Variants in RAP1A observed in about 807,000 individuals in gnomAD.
RAP1A encodes the protein RAP1A, member of RAS oncogene family.
In RAP1A, 6 loss-of-function variants were observed where a neutral mutation model predicts 26.4. The observed-to-expected ratio is 0.23, with a 90% CI of 0.12 to 0.45. RAP1A has a LOEUF of 0.45. Ranked by LOEUF, RAP1A falls within the 20% of genes least tolerant of loss-of-function variation. The probability of loss-of-function intolerance (pLI) is 0.99; values close to 1 mark genes in which losing one functional copy is unlikely to be tolerated. For synonymous variants in RAP1A, 73 were observed against 79.4 expected, an observed-to-expected ratio of 0.92 and a Z score of 0.43; for missense variants, 121 against 217.2, an observed-to-expected ratio of 0.56 and a Z score of 2.78.
intron 1 of RAP1A, among the ~76,000 whole-genome samples, chr1:111,664,477 T>C (rs1037907964): frequency 6.6e-6 from 1 of 152,092 alleles, no homozygotes; most frequent in African/African-American, 2.4e-5. Context: ...ACCTAGACTT[T>C]TTTTTAAATA....
At chr1:111,697,983 A>G (rs1354446881) in intron 4 of RAP1A, among the ~76,000 whole-genome samples, 1 of 152,160 alleles carries the variant, frequency 6.6e-6, no homozygotes, top group Non-Finnish European at 1.5e-5. Flanking sequence ...TAATCTTTAA[A>G]TGAGTATAAT....
intron 1 of RAP1A, among the ~76,000 whole-genome samples, chr1:111,667,909 G>C (rs1372929901): frequency 6.6e-6 from 1 of 152,094 alleles, no homozygotes; most frequent in Non-Finnish European, 1.5e-5. Flanking sequence ...AGCTAAACCT[G>C]GGCTTATGGT....
chr1:111,608,270 G>A (rs1218223382), intron 1 of RAP1A: 20 of 144,710 alleles, frequency 1.4e-4, no homozygotes, highest in Non-Finnish European at 2.8e-4. Context: ...GCGGGGCGGC[G>A]GGGCAGAGGC....
At chr1:111,593,021 G>C (rs1289751304) in intron 1 of RAP1A, among the ~76,000 whole-genome samples, 1 of 152,098 alleles carries the variant, frequency 6.6e-6, no homozygotes, top group East Asian at 1.9e-4. Context: ...GAGGGAGAGA[G>C]AGAAAAAATA....
At chr1:111,660,736 G>C (rs1186540688) in intron 1 of RAP1A, among the ~76,000 whole-genome samples, 1 of 152,188 alleles carries the variant, frequency 6.6e-6, no homozygotes. Context: ...AAAAGCTGAA[G>C]TCCTTACCGT....
upstream of RAP1A, among the ~76,000 whole-genome samples, chr1:111,619,023 G>T (rs1231403784): frequency 6.6e-6 from 1 of 152,222 alleles, no homozygotes; most frequent in East Asian, 1.9e-4. Flanking sequence ...ATGGTTTCCC[G>T]TTCCTGTTAT....
At chr1:111,619,243 G>T (rs1659086247), upstream of RAP1A, among the ~76,000 whole-genome samples, 1 of 152,132 alleles carries the variant, frequency 6.6e-6, no homozygotes, top group African/African-American at 2.4e-5. Flanking sequence ...CCTTCATCCC[G>T]TGTGTATGCG....
At chr1:111,553,050 C>A (rs935386006) in intron 1 of RAP1A, among the ~76,000 whole-genome samples, 1 of 152,220 alleles carries the variant, frequency 6.6e-6, no homozygotes, top group African/African-American at 2.4e-5. Flanking sequence ...CCAAACACTT[C>A]ATATTCAGAT....
chr1:111,614,891 A>G (rs1482044682), upstream of RAP1A, among the ~76,000 whole-genome samples: 2 of 152,238 alleles, frequency 1.3e-5, no homozygotes, highest in Non-Finnish European at 2.9e-5. Context: ...TAAAATGAAT[A>G]CACAAAATGC....
intron 1 of RAP1A, among the ~76,000 whole-genome samples, chr1:111,667,161 A>G (rs1335800493): frequency 2.6e-5 from 4 of 152,182 alleles, no homozygotes; most frequent in Non-Finnish European, 5.9e-5. Context: ...GTAGTGGAAA[A>G]GAAAAGGAAC....
chr1:111,642,462 C>T (rs1348596353), intron 1 of RAP1A, among the ~76,000 whole-genome samples: 2 of 151,338 alleles, frequency 1.3e-5, no homozygotes, highest in South Asian at 2.1e-4. Context: ...GAAGTTAATG[C>T]GTCTTCTGAT....
At chr1:111,692,887 T>C (rs1292464219) in intron 2 of RAP1A, among the ~76,000 whole-genome samples, 1 of 152,210 alleles carries the variant, frequency 6.6e-6, no homozygotes, top group Non-Finnish European at 1.5e-5. Context: ...ATTGGATAGC[T>C]GGGAACAAGG....
At chr1:111,676,436 C>G (rs1661127363) in intron 1 of RAP1A, among the ~76,000 whole-genome samples, 1 of 145,190 alleles carries the variant, frequency 6.9e-6, no homozygotes, top group Admixed American at 7.3e-5. Context: ...TGAGAAATTT[C>G]CCAAATAAAT....
chr1:111,601,035 T>G (rs1658659965), intron 1 of RAP1A, among the ~76,000 whole-genome samples: 1 of 152,098 alleles, frequency 6.6e-6, no homozygotes, highest in Non-Finnish European at 1.5e-5. Context: ...TGCATCTGGC[T>G]TACTCCCCTC....
intron 1 of RAP1A, among the ~76,000 whole-genome samples, chr1:111,591,002 T>C (rs1658462340): frequency 6.6e-6 from 1 of 152,202 alleles, no homozygotes; most frequent in Non-Finnish European, 1.5e-5. Flanking sequence ...TGCTTATAAA[T>C]CCCTTTAGCC....
chr1:111,619,837 G>T lies in RAP1A; in HGVS notation c.-125G>T, dbSNP rs1009209121. 44 of 399,832 alleles carry T rather than the reference G, an allele frequency of 1.1e-4. No individual in the cohort carries two copies. Among genetic ancestry groups the T allele is most frequent in the Non-Finnish European group, 1.8e-4 (40 of 227,350 alleles). 24.8% of individuals were successfully genotyped at this position (399,832 alleles called of 1,614,324 possible). On this transcript the variant is annotated 5_prime_UTR_variant, in exon 1 of 8. Coordinates refer to ENST00000369709, the MANE Select transcript of RAP1A (RefSeq NM_002884.4). ...CGCCGCCGCTCCCGCTGCTGTCGCC[G>T]CGCAGAGCCGGAGCAGGAGCCACGG...
intron 1 of RAP1A, among the ~76,000 whole-genome samples, chr1:111,575,395 C>T (rs1027189951): frequency 2.0e-5 from 3 of 152,184 alleles, no homozygotes; most frequent in Non-Finnish European, 2.9e-5. Flanking sequence ...TCAAGTGATA[C>T]GCCTGCCTCA....
upstream of RAP1A, among the ~76,000 whole-genome samples, chr1:111,618,830 A>AAAATG (rs1659070747): frequency 6.6e-6 from 1 of 152,110 alleles, no homozygotes. Context: ...TAAATAAAAT[A>AAAATG]AAATAAAATA....
At chr1:111,669,347 G>C (rs1051486026) in intron 1 of RAP1A, among the ~76,000 whole-genome samples, 1 of 152,178 alleles carries the variant, frequency 6.6e-6, no homozygotes, top group African/African-American at 2.4e-5. Flanking sequence ...TATGTGACAA[G>C]GCTTTGGTAA....
Sources: gnomAD v4.1 joint callset for allele counts (sites outside exome capture counted in the v4.1 genomes callset) on GRCh38, gnomAD v4.1.1 for gene constraint, MANE v1.5 for transcripts, NCBI Gene and HGNC (gene_info 2026-07-23, HGNC 2026-07-21) for gene names.